METTL24: variants seen among roughly 807,000 people sequenced by gnomAD.
The protein encoded by METTL24 is probable methyltransferase-like protein 24.
In METTL24, 29 loss-of-function variants were observed where a neutral mutation model predicts 32.7. The ratio of observed to expected loss-of-function variants is 0.89; its 90% CI spans 0.66 to 1.21. The LOEUF is 1.21. Ranked by LOEUF, METTL24 falls within the 50% of genes most tolerant of loss-of-function variation. The probability of loss-of-function intolerance (pLI) is 0.00; values close to 1 mark genes in which losing one functional copy is unlikely to be tolerated. For synonymous variants in METTL24, 163 were observed against 179.5 expected, an observed-to-expected ratio of 0.91 and a Z score of 0.73; for missense variants, 439 against 468.1, an observed-to-expected ratio of 0.94 and a Z score of 0.57.
At chr6:110,255,016 C>A (rs1778356242) in intron 4 of METTL24, among the ~76,000 whole-genome samples, 2 of 152,130 alleles carry the variant, frequency 1.3e-5, no homozygotes, top group African/African-American at 2.4e-5. Flanking sequence ...AAATCAGTTT[C>A]AATTATCACT....
chr6:110,324,231 G>A (rs981407602), intron 1 of METTL24, among the ~76,000 whole-genome samples: 2 of 152,178 alleles, frequency 1.3e-5, no homozygotes, highest in African/African-American at 4.8e-5. Flanking sequence ...GGCATTATTA[G>A]ACACACATCA....
intron 1 of METTL24, among the ~76,000 whole-genome samples, chr6:110,345,423 T>C (rs1772451676): frequency 6.6e-6 from 1 of 152,218 alleles, no homozygotes; most frequent in Non-Finnish European, 1.5e-5. Flanking sequence ...AAACCATTAT[T>C]GGGTTTGTAC....
At chr6:110,338,680 T>C (rs1772288237) in intron 1 of METTL24, among the ~76,000 whole-genome samples, 1 of 152,262 alleles carries the variant, frequency 6.6e-6, no homozygotes, top group African/African-American at 2.4e-5. Context: ...TTTGTTTTAA[T>C]AGATTAAAAA....
chr6:110,324,089 G>A (rs1771978317), intron 1 of METTL24, among the ~76,000 whole-genome samples: 1 of 152,178 alleles, frequency 6.6e-6, no homozygotes, highest in Non-Finnish European at 1.5e-5. Context: ...TAGAAAACAG[G>A]AAAGTAGTGG....
At chr6:110,309,637 AAG>A (rs1562233392) in intron 3 of METTL24, among the ~76,000 whole-genome samples, 1 of 152,150 alleles carries the variant, frequency 6.6e-6, no homozygotes, top group Non-Finnish European at 1.5e-5. Flanking sequence ...CAGGCAAAAA[AAG>A]GTTGTGCAGG....
intron 4 of METTL24, among the ~76,000 whole-genome samples, chr6:110,293,218 C>T (rs914111726): frequency 1.2e-4 from 18 of 151,992 alleles, no homozygotes; most frequent in African/African-American, 4.1e-4. Flanking sequence ...GCATTTACAT[C>T]GAAGCATGTA....
intron 1 of METTL24, among the ~76,000 whole-genome samples, chr6:110,337,794 C>T (rs1275217318): frequency 1.3e-5 from 2 of 152,182 alleles, no homozygotes; most frequent in African/African-American, 4.8e-5. Context: ...CCACATATTC[C>T]CTCAAATTTC....
chr6:110,336,301 C>T (rs1170152725), intron 1 of METTL24, among the ~76,000 whole-genome samples: 2 of 152,240 alleles, frequency 1.3e-5, no homozygotes, highest in Non-Finnish European at 2.9e-5. Flanking sequence ...CCAACCCACA[C>T]TGGCCATGTA....
At chr6:110,297,215 A>G (rs1771436453) in intron 4 of METTL24, among the ~76,000 whole-genome samples, 1 of 152,236 alleles carries the variant, frequency 6.6e-6, no homozygotes, top group Admixed American at 6.5e-5. Flanking sequence ...TCTCAGGAGC[A>G]GCATTGCAAA....
At chr6:110,309,947 C>T (rs1771691640) in intron 3 of METTL24, among the ~76,000 whole-genome samples, 1 of 152,048 alleles carries the variant, frequency 6.6e-6, no homozygotes, top group Non-Finnish European at 1.5e-5. Flanking sequence ...GCACGTATTA[C>T]ATAAATAGAT....
At chr6:110,251,616 C>A (rs1357934655) in intron 4 of METTL24, among the ~76,000 whole-genome samples, 2 of 152,170 alleles carry the variant, frequency 1.3e-5, no homozygotes, top group Admixed American at 1.3e-4. Context: ...AAATGTATAT[C>A]ATACAGTTCT....
chr6:110,319,400 T>TTCTTACAAATTGATA (rs1554215677), intron 2 of METTL24, among the ~76,000 whole-genome samples: 22 of 146,756 alleles, frequency 1.5e-4, no homozygotes, highest in African/African-American at 5.6e-4. Flanking sequence ...GATGGGTAGA[T>TTCTTACAAATTGATA]AACTAGGTAG....
intron 1 of METTL24, among the ~76,000 whole-genome samples, chr6:110,344,189 G>C (rs1582441771): frequency 1.3e-5 from 2 of 152,180 alleles, no homozygotes; most frequent in South Asian, 4.1e-4. Flanking sequence ...ATGGACTCAT[G>C]ACCTTCGAGA....
chr6:110,357,893 C>T (rs528386410), intron 1 of METTL24, 62 bp downstream of exon 1: 5 of 1,013,926 alleles, frequency 4.9e-6, no homozygotes, highest in Non-Finnish European at 6.2e-6. Flanking sequence ...CGCCGGGCTC[C>T]GTAGCGCGGT....
chr6:110,331,921 G>A (rs762416737), intron 1 of METTL24, among the ~76,000 whole-genome samples: 5 of 152,138 alleles, frequency 3.3e-5, no homozygotes, highest in South Asian at 2.1e-4. Flanking sequence ...GAGCCAGCCC[G>A]TCCCATAGGA....
Position 110,321,909 on chromosome 6 carries a change from G to C in METTL24, c.417+865C>G, listed in dbSNP as rs1771936305. On this transcript the variant is annotated intron_variant, in intron 2 of 4. Coordinates refer to ENST00000338882, the MANE Select transcript of METTL24 (RefSeq NM_001123364.3). ...CAGGGATGTCAAGAGTGGGCTTGAG[G>C]GAGATTCTAAAAATCCAGGATCCCC... Among the ~76,000 whole-genome samples, 3 of 152,166 alleles carry C rather than the reference G, an allele frequency of 2.0e-5. No homozygotes were observed. In the South Asian group the frequency reaches 6.2e-4, roughly 32 times the overall value.
At chr6:110,341,960 C>T (rs1772367469) in intron 1 of METTL24, among the ~76,000 whole-genome samples, 1 of 152,158 alleles carries the variant, frequency 6.6e-6, no homozygotes, top group African/African-American at 2.4e-5. Flanking sequence ...ATGCTTCTGG[C>T]ACACAAGTCA....
Position 110,315,359 on chromosome 6 carries a change from GC to G in METTL24, c.539del (p.Cys180SerfsTer6). Reference protein sequence around the residue: ...NLAHQIRNKQCRLYSLGLGSD... With the variant: ...NLAHQIRNKQXRLYSLGLGSD... Reference sequence around the variant, plus strand: ...GTACTCACCCTAAGGAGTAGAGGCGGCACTGCTTGTTGCGGATTTGATGAGC... The same window carrying G: ...GTACTCACCCTAAGGAGTAGAGGCGGACTGCTTGTTGCGGATTTGATGAGC... On this transcript the variant is annotated frameshift_variant, in exon 3 of 5. Transcript: ENST00000338882. LOFTEE classifies it high-confidence loss of function. The G allele has an allele frequency of 2.5e-6, 4 of 1,614,196 alleles. No homozygotes were observed. The South Asian group carries it at 4.4e-5, about 18-fold the overall frequency.
intron 4 of METTL24, among the ~76,000 whole-genome samples, chr6:110,276,654 A>G (rs936601129): frequency 3.9e-5 from 6 of 152,172 alleles, no homozygotes; most frequent in African/African-American, 1.4e-4. Flanking sequence ...ACCAGCTCCA[A>G]CATGTTGAAG....
Sources: allele counts gnomAD v4.1 joint callset (sites outside exome capture counted in the v4.1 genomes callset), GRCh38; gene constraint gnomAD v4.1.1; transcripts MANE v1.5; gene names NCBI Gene and HGNC (gene_info 2026-07-23, HGNC 2026-07-21).